Variants in TRRAP observed in about 807,000 individuals in gnomAD.
TRRAP encodes transformation/transcription domain-associated protein.
A neutral mutation model predicts 438.8 loss-of-function variants in TRRAP; 41 were observed. The ratio of observed to expected loss-of-function variants is 0.09; its 90% confidence interval spans 0.07 to 0.12. The LOEUF (loss-of-function observed/expected upper bound fraction) is 0.12. TRRAP is among the 10% of genes least tolerant of loss of function. TRRAP has a pLI of 1.00. For missense variants in TRRAP, 3,122 were observed against 5,055.1 expected (o/e 0.62, Z 11.60); for synonymous variants, 1,994 against 1,962.9 (o/e 1.02, Z -0.42).
At position 98,994,477 on chromosome 7, in the gene TRRAP, G is replaced by A; in HGVS notation, c.10048-110G>A. On this transcript the variant is annotated intron_variant, in intron 66 of 72. Transcript: ENST00000456197. This position sits in a 1 kb window ranked among gnomAD's most constrained non-coding sequence, Gnocchi z 4.8. ...TGCTGTGTGTGGGTCCTGCCGGGGA[G>A]TGCAGAGATGACCCTGGGCTGGGAG... 6.7e-7 allele frequency: 1 copy of A among 1,485,314 alleles called. No homozygotes were observed. The highest frequency in any genetic ancestry group is 9.2e-7 in the Non-Finnish European group (1 of 1,086,996). The allele number at this position is 1,485,314 out of a possible 1,614,324, so 92.0% of individuals were successfully genotyped here. A position where few individuals can be genotyped will look rare whatever the true frequency, so the allele number is the denominator to read the frequency against.
chr7:99,009,404 G>A (rs1172771152), intron 70 of TRRAP, among the ~76,000 whole-genome samples: 1 of 152,172 alleles, frequency 6.6e-6, no homozygotes, highest in Non-Finnish European at 1.5e-5. Flanking sequence ...TGAGCCCATG[G>A]TGTACTCTGT....
intron 67 of TRRAP, among the ~76,000 whole-genome samples, chr7:99,000,241 T>C (rs1199501184): frequency 1.3e-5 from 2 of 152,074 alleles, no homozygotes; most frequent in Non-Finnish European, 2.9e-5. Context: ...ACTCCTGACC[T>C]CAAATGATCC....
At chr7:98,924,642 T>TAC (rs1554411176) in intron 21 of TRRAP, among the ~76,000 whole-genome samples, 4 of 126,496 alleles carry the variant, frequency 3.2e-5, no homozygotes, top group South Asian at 2.7e-4. Flanking sequence ...TGAGCGGAGA[T>TAC]GGCACCACTG....
chr7:98,938,236 G>A (rs1465898721), intron 30 of TRRAP, among the ~76,000 whole-genome samples: 1 of 152,214 alleles, frequency 6.6e-6, no homozygotes, highest in Non-Finnish European at 1.5e-5. Flanking sequence ...TTGGCTTGGA[G>A]GCTGAGGTGG....
chr7:98,969,459 C>G (rs1792309019), intron 51 of TRRAP, among the ~76,000 whole-genome samples: 2 of 152,242 alleles, frequency 1.3e-5, no homozygotes, highest in Admixed American at 6.5e-5. Flanking sequence ...TGGCTGTGTC[C>G]TTCCCCCTGA....
At chr7:98,885,931 A>G (rs906757679) in intron 3 of TRRAP, among the ~76,000 whole-genome samples, 7 of 152,184 alleles carry the variant, frequency 4.6e-5, no homozygotes, top group Non-Finnish European at 8.8e-5. Context: ...AGTATTTGCA[A>G]TTAGCAGGTT....
chr7:98,971,984 C>T (rs1443468838), intron 53 of TRRAP, 39 bp downstream of exon 53: 2 of 1,602,656 alleles, frequency 1.2e-6, no homozygotes, highest in African/African-American at 2.7e-5. Context: ...TGCTTTCCTC[C>T]CATGGACAGT....
chr7:98,999,542 GA>G, intron 67 of TRRAP: 2 of 726,392 alleles, frequency 2.8e-6, no homozygotes, highest in South Asian at 3.1e-5. Context: ...TCTTGCTTAA[GA>G]AACTGCATCC....
Position 98,949,423 on chromosome 7 carries a change from T to A in TRRAP, c.4795T>A (p.Leu1599Ile). The A allele has an allele frequency of 2.6e-6, 4 of 1,535,982 alleles. No individual in the cohort carries two copies. The highest frequency in any genetic ancestry group is 2.6e-6 in the Non-Finnish European group (3 of 1,145,188). Residue 1599 changes from leucine to isoleucine, a missense_variant, in exon 36 of 73, where the codon TTA becomes ATA. By Grantham distance (5) the Leu-to-Ile change is conservative. Around this residue, in one of 24 missense-constraint regions of TRRAP, gnomAD observed 272 missense variants for 348.5 expected, o/e 0.78. Coordinates refer to ENST00000456197, the MANE Select transcript of TRRAP (RefSeq NM_001375524.1). ...PQWSRMFMSF[L>I]KHKDARPLRD... ...CTATTTGTTTTGCTTTCAGAGTTTT[T>A]TAAAACACAAAGACGCCAGACCTCT...
chr7:98,978,472 A>G (rs1009694150), intron 57 of TRRAP, 149 bp downstream of exon 57: 32 of 773,684 alleles, frequency 4.1e-5, no homozygotes, highest in Admixed American at 1.1e-4. Flanking sequence ...CAAAACCAGC[A>G]TTTAAAGCCT....
At position 98,981,811 on chromosome 7, in the gene TRRAP, A is replaced by T; in HGVS notation, c.8677A>T (p.Met2893Leu). Residue 2893 changes from methionine to leucine, a missense_variant, in exon 59 of 73, where the codon ATG (methionine) becomes TTG (leucine). Met to Leu is a conservative substitution (Grantham distance 15, BLOSUM62 2). This residue lies in a region of TRRAP where 992 missense variants were observed against 1,281.2 expected (regional missense o/e 0.77). Transcript: ENST00000456197. The part of the protein sequence containing the change: ...CPKEMAWKVN[M>L]YRGYLAICHP... Reference sequence around the variant, plus strand: ...GAAGGAGATGGCCTGGAAGGTGAACATGTACCGCGGATACCTGGCCATCTG... The same window carrying T: ...GAAGGAGATGGCCTGGAAGGTGAACTTGTACCGCGGATACCTGGCCATCTG... 1 of 1,606,112 alleles carries T rather than the reference A, an allele frequency of 6.2e-7. No individual in the cohort carries two copies. Among genetic ancestry groups the T allele is most frequent in the East Asian group, 2.2e-5 (1 of 44,460 alleles).
rs369531049 is a variant in TRRAP at position 98,953,447 on chromosome 7, C to G, written c.5730+14C>G. The G allele has an allele frequency of 1.2e-6, 2 of 1,603,866 alleles. No homozygotes were observed. Among genetic ancestry groups the G allele is most frequent in the East Asian group, 4.5e-5 (2 of 44,826 alleles). ...ATCGTCCTGCAGGTATTTTGCAAGC[C>G]CCTCCTGTCCGCCGACATCAGCGTG... is the stretch of plus-strand genomic sequence containing the variant. On this transcript the variant is annotated intron_variant, in intron 40 of 72. Transcript: ENST00000456197.
chr7:98,980,984 G>A (rs1286470963), intron 58 of TRRAP, among the ~76,000 whole-genome samples: 1 of 152,138 alleles, frequency 6.6e-6, no homozygotes, highest in African/African-American at 2.4e-5. Flanking sequence ...AGCCCTGGAG[G>A]GGCTGTAGTG....
rs188680835 is a variant in TRRAP at position 98,962,191 on chromosome 7, G to A, written c.6704-111G>A. 7,000 of 1,525,236 alleles carry A rather than the reference G, an allele frequency of 4.6e-3. 27 individuals carry two copies. Among genetic ancestry groups the A allele is most frequent in the Non-Finnish European group, 5.8e-3 (6,519 of 1,116,062 alleles). The allele number at this position is 1,525,236 out of a possible 1,614,324, so 94.5% of individuals were successfully genotyped here. ...CACACTGTCCTGCAGGGAGAGAAGT[G>A]CCCGTGCCAATCCCTCCTGATACCC... On this transcript the variant is annotated intron_variant, in intron 46 of 72. Coordinates refer to ENST00000456197, the MANE Select transcript of TRRAP (RefSeq NM_001375524.1).
At chr7:98,949,011 T>C (rs184883231) in intron 35 of TRRAP, among the ~76,000 whole-genome samples, 1 of 152,296 alleles carries the variant, frequency 6.6e-6, no homozygotes, top group East Asian at 1.9e-4. Flanking sequence ...GGCAGGTGGT[T>C]TACTTGAGCC....
intron 18 of TRRAP, among the ~76,000 whole-genome samples, chr7:98,913,844 C>T (rs1789394774): frequency 6.6e-6 from 1 of 152,158 alleles, no homozygotes; most frequent in Non-Finnish European, 1.5e-5. Context: ...CTAAAAGCAG[C>T]AGGTGGTAGA....
Position 98,976,356 on chromosome 7 carries a change from T to G in TRRAP, c.7959+88T>G, listed in dbSNP as rs1335216853. 1.3e-6 allele frequency: 2 copies of G among 1,579,636 alleles called. No homozygotes were observed. The highest frequency in any genetic ancestry group is 1.7e-6 in the Non-Finnish European group (2 of 1,164,294). ...TAAAAGAACACAGTCTCGAACAAGTTTCAGAAAATGAGGGAACCGCTGGCT... is the reference window on the plus strand; with the variant it reads ...TAAAAGAACACAGTCTCGAACAAGTGTCAGAAAATGAGGGAACCGCTGGCT... On this transcript the variant is annotated intron_variant, in intron 54 of 72. Coordinates refer to ENST00000456197, the MANE Select transcript of TRRAP (RefSeq NM_001375524.1). This position sits in a 1 kb window ranked among gnomAD's most constrained non-coding sequence, Gnocchi z 4.6.
At chr7:98,955,635 T>C (rs140096935) in intron 41 of TRRAP, among the ~76,000 whole-genome samples, 2 of 152,334 alleles carry the variant, frequency 1.3e-5, no homozygotes, top group African/African-American at 4.8e-5. Context: ...TCACCTGCCT[T>C]GGAAAGTTAT....
intron 12 of TRRAP, among the ~76,000 whole-genome samples, chr7:98,904,379 A>T (rs967572684): frequency 1.8e-4 from 26 of 144,352 alleles, no homozygotes; most frequent in African/African-American, 6.7e-4. Flanking sequence ...GCTGCTTGGG[A>T]GGCTGAGGCA....
Sources: allele counts gnomAD v4.1 joint callset (sites outside exome capture counted in the v4.1 genomes callset), GRCh38; gene constraint gnomAD v4.1.1; regional missense constraint gnomAD v4.1.1; non-coding constraint Gnocchi (gnomAD v3.1); transcripts MANE v1.5; gene names NCBI Gene and HGNC (gene_info 2026-07-23, HGNC 2026-07-21).